The following NCOA1 variants were observed in gnomAD, a reference collection of about 807,000 sequenced individuals.
NCOA1 encodes the protein Hin-2 protein.
Under a neutral mutation model 150.9 loss-of-function variants are expected in NCOA1, and 35 were observed. That is an observed-to-expected ratio of 0.23 (90% CI 0.18 to 0.31). NCOA1 has a LOEUF of 0.31. NCOA1 is among the 10% of genes least tolerant of loss of function. NCOA1 has a pLI of 1.00. For missense variants in NCOA1, 1,491 were observed against 1,749.3 expected (o/e 0.85, Z 2.63); for synonymous variants, 590 against 630.0 (o/e 0.94, Z 0.95).
chr2:24,711,934 C>G (rs1673766922), intron 14 of NCOA1, among the ~76,000 whole-genome samples: 1 of 152,224 alleles, frequency 6.6e-6, no homozygotes, highest in Non-Finnish European at 1.5e-5. Context: ...TATCCCTTTT[C>G]TGATGGTATC....
intron 10 of NCOA1, 144 bp from the exon 11 acceptor site, chr2:24,697,514 T>C (rs1268985194): frequency 6.6e-6 from 5 of 752,252 alleles, no homozygotes; most frequent in Admixed American, 3.1e-5. Flanking sequence ...TTCATAACTA[T>C]AATAAAAATT....
In NCOA1 at chr2:24,740,936, T is replaced by G. The variant is rs921718165; in HGVS notation, c.3304-848T>G. On this transcript the variant is annotated intron_variant, in intron 18 of 22. Transcript: ENST00000348332. Reference sequence around the variant, plus strand: ...TGCCATGTTACATTGAAAAAATGATTTTAAGCTAATTTGACCACTTCTTTC... The same window carrying G: ...TGCCATGTTACATTGAAAAAATGATGTTAAGCTAATTTGACCACTTCTTTC... Among the ~76,000 whole-genome samples the G allele has an allele frequency of 2.6e-5, 4 of 152,166 alleles. No homozygotes were observed. The East Asian group carries it at 7.7e-4, about 29-fold the overall frequency.
chr2:24,709,411 T>C (rs1673622070), intron 13 of NCOA1, among the ~76,000 whole-genome samples: 1 of 152,218 alleles, frequency 6.6e-6, no homozygotes, highest in Non-Finnish European at 1.5e-5. Context: ...CTGAGGTGTG[T>C]GTTCTAATTT....
chr2:24,664,085 T>C (rs1190624061), intron 5 of NCOA1, among the ~76,000 whole-genome samples: 3 of 152,210 alleles, frequency 2.0e-5, no homozygotes, highest in Non-Finnish European at 4.4e-5. Context: ...CACTGTGAGG[T>C]TGCAGAGCTG....
At chr2:24,605,308 A>G (rs2148367850) in intron 3 of NCOA1, among the ~76,000 whole-genome samples, 1 of 152,332 alleles carries the variant, frequency 6.6e-6, no homozygotes, top group Non-Finnish European at 1.5e-5. Context: ...AAAAAACACA[A>G]TATCTGCAAA....
intron 17 of NCOA1, among the ~76,000 whole-genome samples, chr2:24,735,803 C>G (rs186129670): frequency 6.6e-6 from 1 of 152,274 alleles, no homozygotes; most frequent in African/African-American, 2.4e-5. Context: ...AGGTGTAATA[C>G]CCGCTTACTC....
chr2:24,567,728 T>A (rs1489825593), intron 2 of NCOA1, among the ~76,000 whole-genome samples: 2 of 152,336 alleles, frequency 1.3e-5, no homozygotes, highest in South Asian at 2.1e-4. Flanking sequence ...GTTGCTTAAA[T>A]TTTTAAATTA....
At chr2:24,511,637 T>C (rs1005779984) in intron 1 of NCOA1, among the ~76,000 whole-genome samples, 11 of 152,204 alleles carry the variant, frequency 7.2e-5, no homozygotes, top group African/African-American at 2.7e-4. Flanking sequence ...TTATCAGATA[T>C]ATGATTTGCA....
chr2:24,547,506 C>T (rs982923356), intron 1 of NCOA1, among the ~76,000 whole-genome samples: 1 of 151,936 alleles, frequency 6.6e-6, no homozygotes, highest in Non-Finnish European at 1.5e-5. Flanking sequence ...TTTTTTAAAC[C>T]CTGATAAACT....
intron 1 of NCOA1, among the ~76,000 whole-genome samples, chr2:24,523,633 A>AAAAAAAAAAAAAAAAAAAAAC (rs1279167642): frequency 7.1e-6 from 1 of 140,656 alleles, no homozygotes; most frequent in Non-Finnish European, 1.5e-5. Context: ...AAAAAAAAGA[A>AAAAAAAAAAAAAAAAAAAAAC]ACTGGGCTTT....
intron 2 of NCOA1, among the ~76,000 whole-genome samples, chr2:24,574,824 T>C (rs1666887437): frequency 6.6e-6 from 1 of 152,200 alleles, no homozygotes; most frequent in Non-Finnish European, 1.5e-5. Flanking sequence ...TTCTTATTTG[T>C]ATAATTTCTG....
At chr2:24,583,802 A>T (rs986615942) in intron 2 of NCOA1, among the ~76,000 whole-genome samples, 21 of 152,202 alleles carry the variant, frequency 1.4e-4, no homozygotes, top group South Asian at 2.1e-4. Flanking sequence ...CAGAAAGACA[A>T]ATATAGCACA....
chr2:24,717,881 A>C (rs1366345263), intron 14 of NCOA1, among the ~76,000 whole-genome samples: 1 of 151,680 alleles, frequency 6.6e-6, no homozygotes, highest in Non-Finnish European at 1.5e-5. Context: ...ATGGCAAATC[A>C]GCATGTGAAA....
intron 6 of NCOA1, among the ~76,000 whole-genome samples, chr2:24,666,483 G>T (rs968838588): frequency 6.6e-6 from 1 of 152,160 alleles, no homozygotes; most frequent in Non-Finnish European, 1.5e-5. Flanking sequence ...ATGGGACTCA[G>T]TATCATAGGG....
chr2:24,655,709 A>C (rs1670908696), intron 4 of NCOA1, among the ~76,000 whole-genome samples: 1 of 152,224 alleles, frequency 6.6e-6, no homozygotes, highest in African/African-American at 2.4e-5. Context: ...AAGCTATTTT[A>C]GTAGTCCAGC....
rs56710627 is a variant in NCOA1 at position 24,608,704 on chromosome 2, GTTT to G, written c.-175+24160_-175+24162del. Among the ~76,000 whole-genome samples the G allele has an allele frequency of 8.7e-3, 1,026 of 117,326 alleles. 8 individuals carry two copies. The highest frequency in any genetic ancestry group is 0.025 in the African/African-American group (758 of 30,368). The allele number at this position is 117,326 out of a possible 152,430, so 77.0% of individuals were successfully genotyped here. ...TTTGTTTTTTTCTTGTTGTTGTTGTGTTTTTTTTTTTTTTTTTTCATTTATATC... is the reference window on the plus strand; with the variant it reads ...TTTGTTTTTTTCTTGTTGTTGTTGTGTTTTTTTTTTTTTTTCATTTATATC... On this transcript the variant is annotated intron_variant, in intron 3 of 22. Transcript: ENST00000348332.
At chr2:24,557,496 C>G (rs1214561991) in intron 1 of NCOA1, among the ~76,000 whole-genome samples, 1 of 151,958 alleles carries the variant, frequency 6.6e-6, no homozygotes, top group Non-Finnish European at 1.5e-5. Context: ...CCTCCCCCTC[C>G]TCCTCCTGCT....
At chr2:24,614,196 A>AT (rs1558840251) in intron 3 of NCOA1, among the ~76,000 whole-genome samples, 1 of 13,176 alleles carries the variant, frequency 7.6e-5, no homozygotes, top group Non-Finnish European at 1.8e-4. Context: ...ATTCATTTCC[A>AT]TTCTTTTTTT....
chr2:24,739,617 T>C, intron 18 of NCOA1, 84 bp downstream of exon 18: 7 of 1,003,960 alleles, frequency 7.0e-6, no homozygotes, highest in Non-Finnish European at 1.1e-5. Context: ...GTCTTTGAAA[T>C]GGTCTGTGAG....
Sources: gnomAD v4.1 joint callset for allele counts (sites outside exome capture counted in the v4.1 genomes callset) on GRCh38, gnomAD v4.1.1 for gene constraint, MANE v1.5 for transcripts, NCBI Gene and HGNC (gene_info 2026-07-23, HGNC 2026-07-21) for gene names.